Variants in MAP9 observed in about 807,000 individuals in gnomAD.
MAP9 encodes the protein microtubule associated protein 9, also known as microtubule-associated protein 9.
MAP9 carries 80 observed loss-of-function variants against 75.2 expected under a neutral mutation model. The observed-to-expected ratio is 1.06, with a 90% CI of 0.89 to 1.28. The LOEUF (loss-of-function observed/expected upper bound fraction) is 1.28. Among genes scored for constraint, MAP9 ranks in the 50% most tolerant of loss-of-function variants. The probability of loss-of-function intolerance (pLI) is 0.00; values close to 1 mark genes in which losing one functional copy is unlikely to be tolerated. For missense variants in MAP9, 753 were observed against 719.9 expected, an observed-to-expected ratio of 1.05 and a Z score of -0.53; for synonymous variants, 235 against 237.3, an observed-to-expected ratio of 0.99 and a Z score of 0.09.
chr4:155,371,309 T>TA lies in MAP9; in HGVS notation c.481+1826dup, dbSNP rs574326771. ...CAGAAAAAAAAAAAGTCAAAGAATT[T>TA]AGAGGATAAACTCATGAACCATATT... On this transcript the variant is annotated intron_variant, in intron 4 of 13. Coordinates refer to ENST00000311277, the MANE Select transcript of MAP9 (RefSeq NM_001039580.2). Among the ~76,000 whole-genome samples, 1,369 of 152,138 alleles carry TA rather than the reference T, an allele frequency of 9.0e-3. 7 individuals are homozygous for TA. The highest frequency in any genetic ancestry group is 0.012 in the Non-Finnish European group (831 of 67,962).
intron 13 of MAP9, 66 bp from the exon 14 acceptor site, chr4:155,347,971 C>T: frequency 2.9e-6 from 3 of 1,029,020 alleles, no homozygotes; most frequent in Non-Finnish European, 4.2e-6. Context: ...AATCAGGTTG[C>T]TTGCTGAAGA....
intron 13 of MAP9, 28 bp downstream of exon 13, chr4:155,352,568 C>T (rs200168571): frequency 1.5e-4 from 235 of 1,549,376 alleles, no homozygotes; most frequent in Admixed American, 1.2e-3. Flanking sequence ...ATGAAAAAGA[C>T]GAAAGTGCAT....
chr4:155,357,506 T>C lies in MAP9; in HGVS notation c.1064A>G (p.Asp355Gly), dbSNP rs762647458. ...TGACTTTTTATTCTTTATATTTCTATCTTCAATTGTTTTCTATTAAACAGA... is the reference window on the plus strand; with the variant it reads ...TGACTTTTTATTCTTTATATTTCTACCTTCAATTGTTTTCTATTAAACAGA... Reference protein sequence around the residue: ...ATASSKKTIEDRNIKNKKSTN... With the variant: ...ATASSKKTIEGRNIKNKKSTN... The change falls in exon 8 of 14, where the codon GAT becomes GGT. Residue 355 changes from aspartate (D) to glycine (G), a missense_variant. Transcript: ENST00000311277. 4.0e-6 allele frequency: 6 copies of C among 1,515,722 alleles called. No individual in the cohort carries two copies. The highest frequency in any genetic ancestry group is 5.5e-6 in the Non-Finnish European group (6 of 1,092,492). 93.9% of individuals were successfully genotyped at this position (1,515,722 alleles called of 1,614,324 possible).
chr4:155,364,181 CT>C (rs1477287548), intron 5 of MAP9, among the ~76,000 whole-genome samples: 6 of 151,832 alleles, frequency 4.0e-5, no homozygotes, highest in African/African-American at 1.5e-4. Flanking sequence ...AAATGGAAAC[CT>C]ATAAAGAGCT....
Position 155,355,615 on chromosome 4 carries a change from T to G in MAP9, c.1290+101A>C, listed in dbSNP as rs553834522. Reference sequence around the variant, plus strand: ...ACTCTTTCTCAATAAATTTAAGTATTAAACCATCATTTTCTATCAGGATTA... The same window carrying G: ...ACTCTTTCTCAATAAATTTAAGTATGAAACCATCATTTTCTATCAGGATTA... On this transcript the variant is annotated intron_variant, in intron 9 of 13. Coordinates refer to ENST00000311277, the MANE Select transcript of MAP9 (RefSeq NM_001039580.2). 9.3e-6 allele frequency: 8 copies of G among 858,788 alleles called. No individual in the cohort carries two copies. The South Asian group carries it at 2.2e-4, about 23-fold the overall frequency. 53.2% of individuals were successfully genotyped at this position (858,788 alleles called of 1,614,324 possible). A position where few individuals can be genotyped will look rare whatever the true frequency, so the allele number is the denominator to read the frequency against.
chr4:155,371,632 CAT>C (rs747986335), intron 4 of MAP9, among the ~76,000 whole-genome samples: 5 of 151,432 alleles, frequency 3.3e-5, no homozygotes, highest in Non-Finnish European at 7.4e-5. Flanking sequence ...TATAACATTG[CAT>C]ATATAAGTAG....
At chr4:155,374,385 T>G (rs770317181) in intron 3 of MAP9, among the ~76,000 whole-genome samples, 1 of 152,224 alleles carries the variant, frequency 6.6e-6, no homozygotes, top group Non-Finnish European at 1.5e-5. Context: ...GAATTCTGTA[T>G]GCTTATACCT....
rs531380932 is a variant in MAP9, at chr4:155,376,235, C to A, written c.-64-321G>T. The stretch of plus-strand genomic sequence containing the variant: ...ACCTCTCTTCTAAAGTATAACATTG[C>A]CTTCAAAATAAGTCACGTCTTATTT... On this transcript the variant is annotated intron_variant, in intron 1 of 13. Transcript: ENST00000311277. The A allele has an allele frequency of 1.3e-4, 21 of 157,620 alleles. No homozygotes were observed. The East Asian group carries it at 3.9e-3, about 29-fold the overall frequency. The allele number at this position is 157,620 out of a possible 1,614,324, so 9.8% of individuals were successfully genotyped here.
At chr4:155,351,707 T>C (rs1175322934) in intron 13 of MAP9, among the ~76,000 whole-genome samples, 3 of 151,912 alleles carry the variant, frequency 2.0e-5, no homozygotes, top group South Asian at 2.1e-4. Context: ...ATAAATGGCC[T>C]GTATACAAAT....
chr4:155,372,985 A>T, intron 4 of MAP9, 151 bp downstream of exon 4: 1 of 529,242 alleles, frequency 1.9e-6, no homozygotes, highest in Non-Finnish European at 3.2e-6. Context: ...TGTAAAATTG[A>T]AGTTAGACAA....
intron 5 of MAP9, chr4:155,368,083 G>A (rs2111264940): frequency 6.2e-6 from 1 of 161,746 alleles, no homozygotes; most frequent in East Asian, 1.8e-4. Flanking sequence ...CACATTTAAT[G>A]CTATTGGAAC....
chr4:155,349,903 A>AGAC (rs1731439186), intron 13 of MAP9: 1 of 157,774 alleles, frequency 6.3e-6, no homozygotes, highest in Non-Finnish European at 1.4e-5. Flanking sequence ...GGTAGCAAAT[A>AGAC]GACAATTATA....
chr4:155,364,977 A>G (rs1732260378), intron 5 of MAP9, among the ~76,000 whole-genome samples: 1 of 151,942 alleles, frequency 6.6e-6, no homozygotes, highest in Admixed American at 6.6e-5. Context: ...AACAATAAAA[A>G]CAATAATTTT....
At chr4:155,355,965 A>G (rs1279982111) in intron 8 of MAP9, 81 bp from the exon 9 acceptor site, 1 of 1,271,782 alleles carries the variant, frequency 7.9e-7, no homozygotes, top group African/African-American at 1.5e-5. Flanking sequence ...ATGCACGTAT[A>G]ATATTTGAAA....
chr4:155,362,844 T>C (rs1732151975), intron 5 of MAP9: 1 of 152,196 alleles, frequency 6.6e-6, no homozygotes, highest in Non-Finnish European at 1.5e-5. Flanking sequence ...GGAAATTATA[T>C]GTCAAAAGCA....
chr4:155,345,439 T>TG lies in MAP9; in HGVS notation c.*2343_*2344insC, dbSNP rs1553964584. On this transcript the variant is annotated 3_prime_UTR_variant, in exon 14 of 14. Coordinates refer to ENST00000311277, the MANE Select transcript of MAP9 (RefSeq NM_001039580.2). ...CCCTAATACAAGGCATCTTTCTGTT[T>TG]TTTTGTTTTGTTTTGTTTTGTTTTG... 1 of 124,070 alleles carries TG rather than the reference T, an allele frequency of 8.1e-6. No individual in the cohort carries two copies. Among genetic ancestry groups the TG allele is most frequent in the Non-Finnish European group, 1.7e-5 (1 of 60,232 alleles). The allele number at this position is 124,070 out of a possible 1,614,324, so 7.7% of individuals were successfully genotyped here. A position where few individuals can be genotyped will look rare whatever the true frequency, so the allele number is the denominator to read the frequency against.
intron 7 of MAP9, among the ~76,000 whole-genome samples, chr4:155,358,068 A>C (rs891685617): frequency 6.6e-6 from 1 of 152,328 alleles, no homozygotes; most frequent in South Asian, 2.1e-4. Flanking sequence ...TGTGATGAGA[A>C]ACCAACAAAA....
rs1731160867 is a variant in MAP9 at position 155,342,792 on chromosome 4, T to C, written c.*4991A>G. Reference sequence around the variant, plus strand: ...GTATGTGAAAACCTCTGAGTGACTATCTCAAAGTGTATATGTCATATAACC... The same window carrying C: ...GTATGTGAAAACCTCTGAGTGACTACCTCAAAGTGTATATGTCATATAACC... On this transcript the variant is annotated 3_prime_UTR_variant, in exon 14 of 14. Transcript: ENST00000311277. 6.6e-6 allele frequency: 1 copy of C among 152,020 alleles called. No homozygotes were observed. Among genetic ancestry groups the C allele is most frequent in the Admixed American group, 6.6e-5 (1 of 15,230 alleles). The allele number at this position is 152,020 out of a possible 1,614,324, so 9.4% of individuals were successfully genotyped here.
At chr4:155,374,790 A>G in intron 3 of MAP9, 147 bp downstream of exon 3, 1 of 426,604 alleles carries the variant, frequency 2.3e-6, no homozygotes, top group Non-Finnish European at 4.1e-6. Context: ...CTACTAATTA[A>G]AAAGTTGAAA....
Sources: allele counts gnomAD v4.1 joint callset (sites outside exome capture counted in the v4.1 genomes callset), GRCh38; gene constraint gnomAD v4.1.1; transcripts MANE v1.5; gene names NCBI Gene and HGNC (gene_info 2026-07-23, HGNC 2026-07-21).